The following ARID2 variants were observed in gnomAD, a reference collection of about 807,000 sequenced individuals.
ARID2 encodes AT-rich interactive domain-containing protein 2.
Under a neutral mutation model 184.6 loss-of-function variants are expected in ARID2, and 32 were observed. That is an observed-to-expected ratio of 0.17 (90% CI 0.13 to 0.23). The LOEUF (loss-of-function observed/expected upper bound fraction) is 0.23. Ranked by LOEUF, ARID2 falls within the 10% of genes least tolerant of loss-of-function variation. The pLI, the probability that ARID2 is intolerant of heterozygous loss-of-function variation, is 1.00. For synonymous variants in ARID2, 836 were observed against 772.6 expected (o/e 1.08, Z -1.36); for missense variants, 1,696 against 2,197.6 (o/e 0.77, Z 4.56).
At chr12:45,857,166 T>C (rs1014830480) in intron 15 of ARID2, among the ~76,000 whole-genome samples, 4 of 152,174 alleles carry the variant, frequency 2.6e-5, no homozygotes, top group African/African-American at 7.2e-5. Flanking sequence ...ATAAAAATAG[T>C]TTAAGGATAT....
intron 8 of ARID2, 66 bp from the exon 9 acceptor site, chr12:45,837,255 A>G: frequency 1.5e-6 from 2 of 1,337,536 alleles, no homozygotes; most frequent in South Asian, 2.9e-5. Context: ...TTTTATTTTT[A>G]TTAAATTTGA....
At chr12:45,738,552 C>G (rs1157495554) in intron 3 of ARID2, among the ~76,000 whole-genome samples, 1 of 152,124 alleles carries the variant, frequency 6.6e-6, no homozygotes, top group East Asian at 1.9e-4. Flanking sequence ...CTCAGGTGAT[C>G]CACCCATCTT....
At chr12:45,786,417 A>C (rs559012555) in intron 3 of ARID2, among the ~76,000 whole-genome samples, 1 of 152,362 alleles carries the variant, frequency 6.6e-6, no homozygotes, top group East Asian at 1.9e-4. Context: ...ATTGTCCTAT[A>C]AAATATGAAA....
At chr12:45,807,770 T>C (rs867003108) in intron 3 of ARID2, among the ~76,000 whole-genome samples, 2 of 152,194 alleles carry the variant, frequency 1.3e-5, no homozygotes, top group African/African-American at 4.8e-5. Flanking sequence ...ATTAAGATTC[T>C]AAAAGGAAGT....
intron 3 of ARID2, among the ~76,000 whole-genome samples, chr12:45,805,492 T>A (rs1295757562): frequency 3.3e-5 from 5 of 152,060 alleles, no homozygotes; most frequent in Non-Finnish European, 7.4e-5. Flanking sequence ...TAATTACCAA[T>A]CACAATTGCT....
intron 3 of ARID2, among the ~76,000 whole-genome samples, chr12:45,804,474 G>T (rs1337072165): frequency 6.6e-6 from 1 of 151,462 alleles, no homozygotes; most frequent in Non-Finnish European, 1.5e-5. Context: ...TTTTTCTAGT[G>T]TGTGCGTGTG....
intron 3 of ARID2, among the ~76,000 whole-genome samples, chr12:45,738,410 G>A (rs1286261641): frequency 6.6e-6 from 1 of 152,090 alleles, no homozygotes; most frequent in African/African-American, 2.4e-5. Flanking sequence ...CACCTCCTGG[G>A]TTCCAGTGAT....
chr12:45,882,544 G>A (rs562088207), intron 16 of ARID2, among the ~76,000 whole-genome samples: 3 of 152,304 alleles, frequency 2.0e-5, no homozygotes, highest in Admixed American at 6.5e-5. Context: ...CTAAAGACGA[G>A]CTGAATGTTA....
intron 3 of ARID2, among the ~76,000 whole-genome samples, chr12:45,767,365 T>C (rs1390822084): frequency 6.6e-6 from 1 of 152,256 alleles, no homozygotes; most frequent in Non-Finnish European, 1.5e-5. Flanking sequence ...GGAAGAATTT[T>C]TAGTTTTTAT....
intron 20 of ARID2, among the ~76,000 whole-genome samples, chr12:45,899,697 A>ATATATATATGGTTATATATATATGGT (rs1565644923): frequency 1.8e-4 from 19 of 105,524 alleles, no homozygotes; most frequent in African/African-American, 9.2e-4. Context: ...ATATATGGTT[A>ATATATATATGGTTATATATATATGGT]TATATATATA....
At position 45,850,235 on chromosome 12, in the gene ARID2, A is replaced by C. The variant is rs373556686; in HGVS notation, c.2112A>C (p.Gln704His). 6.2e-7 allele frequency: 1 copy of C among 1,614,136 alleles called. No individual in the cohort carries two copies. Among genetic ancestry groups the C allele is most frequent in the East Asian group, 2.2e-5 (1 of 44,876 alleles). ...QQQNAPVTVI[Q>H]SKAPIPCEVV... ...AAAATGCTCCAGTGACTGTCATTCA[A>C]AGTAAAGCTCCAATTCCTTGTGAAG... The change falls in exon 15 of 21, where the codon CAA becomes CAC. Residue 704 changes from glutamine to histidine, a missense_variant. Physicochemically the swap from Gln to His is conservative, Grantham distance 24 (BLOSUM62 0). This residue lies in a region of ARID2 where 713 missense variants were observed against 824.4 expected (regional missense o/e 0.86). Coordinates refer to ENST00000334344, the MANE Select transcript of ARID2 (RefSeq NM_152641.4).
At chr12:45,746,573 A>C (rs572262989) in intron 3 of ARID2, among the ~76,000 whole-genome samples, 1 of 152,326 alleles carries the variant, frequency 6.6e-6, no homozygotes, top group Non-Finnish European at 1.5e-5. Context: ...TTTAAAAAGC[A>C]GACTATTAAG....
chr12:45,784,454 G>A (rs1056347547), intron 3 of ARID2, among the ~76,000 whole-genome samples: 1 of 152,110 alleles, frequency 6.6e-6, no homozygotes, highest in Non-Finnish European at 1.5e-5. Flanking sequence ...ACCTATATAA[G>A]AAAAACTTAA....
chr12:45,765,365 C>G (rs1016279478), intron 3 of ARID2, among the ~76,000 whole-genome samples: 2 of 152,128 alleles, frequency 1.3e-5, no homozygotes, highest in Admixed American at 6.6e-5. Flanking sequence ...CGCCACCAAT[C>G]CTGGCTAATT....
chr12:45,820,526 C>T (rs145249935), intron 5 of ARID2, among the ~76,000 whole-genome samples: 66 of 152,128 alleles, frequency 4.3e-4, no homozygotes, highest in African/African-American at 1.5e-3. Context: ...TAAAGATTAA[C>T]GTTCATAACA....
chr12:45,904,263 T>G (rs1271413794), intron 20 of ARID2: 2 of 685,116 alleles, frequency 2.9e-6, no homozygotes, highest in African/African-American at 3.6e-5. Context: ...AATATAATTT[T>G]AATTTCATGT....
At position 45,902,186 on chromosome 12, in the gene ARID2, A is replaced by G. The variant is rs948000140; in HGVS notation, c.5364-2748A>G. ...TCTCAAAAAACTAACATGTGAATTT[A>G]GAAGTTGAAAGAATATCATTTTATA... On this transcript the variant is annotated intron_variant, in intron 20 of 20. Coordinates refer to ENST00000334344, the MANE Select transcript of ARID2 (RefSeq NM_152641.4). 1.1e-4 allele frequency among the ~76,000 whole-genome samples: 17 copies of G among 152,232 alleles called. 1 individual carries two copies. Among genetic ancestry groups the G allele is most frequent in the Non-Finnish European group, 2.2e-4 (15 of 68,026 alleles).
chr12:45,814,660 A>G (rs1942773645), intron 4 of ARID2, among the ~76,000 whole-genome samples: 1 of 152,136 alleles, frequency 6.6e-6, no homozygotes, highest in Admixed American at 6.6e-5. Context: ...AAAAAATAAT[A>G]AACTTCCCTC....
intron 15 of ARID2, among the ~76,000 whole-genome samples, chr12:45,858,593 A>G (rs926393115): frequency 6.6e-6 from 1 of 152,154 alleles, no homozygotes; most frequent in Non-Finnish European, 1.5e-5. Flanking sequence ...ATGGTTTCCT[A>G]TTATTGCCAT....
Sources: gnomAD v4.1 joint callset for allele counts (sites outside exome capture counted in the v4.1 genomes callset) on GRCh38, gnomAD v4.1.1 for gene constraint, gnomAD v4.1.1 regional missense constraint, MANE v1.5 for transcripts, NCBI Gene and HGNC (gene_info 2026-07-23, HGNC 2026-07-21) for gene names.